RNF157: variants seen among roughly 807,000 people sequenced by gnomAD.
RNF157 encodes the protein ring finger protein 157, also known as E3 ubiquitin ligase RNF157.
A neutral mutation model predicts 88.3 loss-of-function variants in RNF157; 55 were observed. The observed-to-expected ratio is 0.62, with a 90% CI of 0.50 to 0.78. RNF157 has a LOEUF of 0.78. RNF157 is among the 30% of genes least tolerant of loss of function. The pLI is 0.00. For missense variants in RNF157, 788 were observed against 860.8 expected (o/e 0.92, Z 1.06); for synonymous variants, 334 against 341.2 (o/e 0.98, Z 0.23).
intron 18 of RNF157, among the ~76,000 whole-genome samples, chr17:76,148,551 G>A (rs974947712): frequency 2.0e-5 from 3 of 148,196 alleles, no homozygotes; most frequent in Non-Finnish European, 4.4e-5. Context: ...ACAGGCGGGA[G>A]CCACCGTGCC....
chr17:76,233,838 T>C (rs2070236014), intron 1 of RNF157, among the ~76,000 whole-genome samples: 1 of 152,218 alleles, frequency 6.6e-6, no homozygotes, highest in African/African-American at 2.4e-5. Flanking sequence ...CAGCCCCATT[T>C]TGAAAATAGC....
At chr17:76,224,816 A>G (rs1005760722) in intron 1 of RNF157, among the ~76,000 whole-genome samples, 3 of 152,196 alleles carry the variant, frequency 2.0e-5, no homozygotes, top group Admixed American at 6.5e-5. Context: ...CCTGGGCCAC[A>G]TGTAGCCCAG....
Position 76,162,632 on chromosome 17 carries a change from C to G in RNF157, c.721-9G>C. 1 of 1,607,232 alleles carries G rather than the reference C, an allele frequency of 6.2e-7. No individual in the cohort carries two copies. Among genetic ancestry groups the G allele is most frequent in the Non-Finnish European group, 8.5e-7 (1 of 1,176,106 alleles). On this transcript the variant is annotated splice_polypyrimidine_tract_variant and intron_variant, in intron 8 of 18. Transcript: ENST00000269391. ...TAGCTGACCCCGTCTACCTGAACAG[C>G]AAACAGAAAGGTTCAAGGACAGGCT... is the stretch of plus-strand genomic sequence containing the variant.
intron 1 of RNF157, among the ~76,000 whole-genome samples, chr17:76,215,540 T>TA (rs146194120): frequency 9.8e-4 from 122 of 125,098 alleles, no homozygotes; most frequent in Middle Eastern, 4.3e-3. Flanking sequence ...TATAGCAAAC[T>TA]AAAAAAAAAA....
chr17:76,149,452 G>A (rs1282733390), intron 18 of RNF157, among the ~76,000 whole-genome samples: 2 of 152,004 alleles, frequency 1.3e-5, no homozygotes, highest in East Asian at 1.9e-4. Flanking sequence ...GCAATGAGGC[G>A]CCAAGACGGC....
At chr17:76,175,821 A>G in intron 2 of RNF157, 3 of 979,304 alleles carry the variant, frequency 3.1e-6, no homozygotes, top group Non-Finnish European at 3.6e-6. Context: ...TCCCTGCCGC[A>G]AAAGAGAGAA....
intron 1 of RNF157, among the ~76,000 whole-genome samples, chr17:76,239,347 G>A (rs9901220): frequency 0.32 from 48,699 of 151,914 alleles, 8,041 homozygotes; most frequent in East Asian, 0.46. Context: ...CCACAATCCA[G>A]AGGCTAGAGA....
At chr17:76,234,496 A>G (rs1380049982) in intron 1 of RNF157, among the ~76,000 whole-genome samples, 1 of 152,104 alleles carries the variant, frequency 6.6e-6, no homozygotes, top group Non-Finnish European at 1.5e-5. Context: ...GCAGGGTATG[A>G]GGGTTTCGCT....
chr17:76,145,023 G>A lies in RNF157; in HGVS notation c.*212C>T, dbSNP rs1163754574. 1.9e-6 allele frequency: 1 copy of A among 521,560 alleles called. No homozygotes were observed. The highest frequency in any genetic ancestry group is 1.9e-5 in the African/African-American group (1 of 52,138). The allele number at this position is 521,560 out of a possible 1,614,324, so 32.3% of individuals were successfully genotyped here. ...AGAGTCCCTGCAAAAGGTCTCGTGA[G>A]CTGCAGTTCATTGAGTGGCTTTAGG... On this transcript the variant is annotated 3_prime_UTR_variant, in exon 19 of 19. Coordinates refer to ENST00000269391, the MANE Select transcript of RNF157 (RefSeq NM_052916.3).
chr17:76,164,568 G>T (rs1568031837), intron 8 of RNF157, 180 bp downstream of exon 8: 24 of 426,812 alleles, frequency 5.6e-5, no homozygotes, highest in East Asian at 1.5e-4. Context: ...GTAATAGCTT[G>T]TAACATTCAA....
chr17:76,165,668 G>A (rs1598397404), intron 6 of RNF157, 123 bp from the exon 7 acceptor site: 24 of 981,552 alleles, frequency 2.4e-5, no homozygotes, highest in East Asian at 2.3e-4. Context: ...GAAGGGGCAC[G>A]TTATATAACC....
At chr17:76,193,698 C>A (rs1325984666) in intron 2 of RNF157, among the ~76,000 whole-genome samples, 2 of 152,176 alleles carry the variant, frequency 1.3e-5, no homozygotes, top group Admixed American at 6.6e-5. Flanking sequence ...CCCTGACTGT[C>A]TAACAAACAA....
At chr17:76,217,576 T>A (rs1242524909) in intron 1 of RNF157, among the ~76,000 whole-genome samples, 3 of 152,094 alleles carry the variant, frequency 2.0e-5, no homozygotes, top group African/African-American at 7.2e-5. Context: ...CCAAACAAGA[T>A]GACTTTTAGA....
At chr17:76,175,808 C>T (rs1216100249) in intron 2 of RNF157, 4 of 984,464 alleles carry the variant, frequency 4.1e-6, no homozygotes, top group South Asian at 4.7e-5. Flanking sequence ...CCTCCATAGC[C>T]ACTCCCTGCC....
intron 2 of RNF157, among the ~76,000 whole-genome samples, chr17:76,208,649 G>C (rs990951987): frequency 1.3e-5 from 2 of 152,132 alleles, no homozygotes; most frequent in Non-Finnish European, 2.9e-5. Flanking sequence ...AAGTTACTCT[G>C]ATTTGCTTTC....
At chr17:76,194,973 C>T (rs1284049605) in intron 2 of RNF157, among the ~76,000 whole-genome samples, 1 of 152,054 alleles carries the variant, frequency 6.6e-6, no homozygotes, top group Non-Finnish European at 1.5e-5. Flanking sequence ...CGAGATAGCA[C>T]CACTGCACTC....
chr17:76,199,758 G>A (rs1453150989), intron 2 of RNF157, among the ~76,000 whole-genome samples: 1 of 151,950 alleles, frequency 6.6e-6, no homozygotes, highest in Non-Finnish European at 1.5e-5. Flanking sequence ...TCATGCTACT[G>A]GGACCCCGTC....
chr17:76,184,188 C>T (rs1026905587), intron 2 of RNF157, among the ~76,000 whole-genome samples: 2 of 113,214 alleles, frequency 1.8e-5, no homozygotes, highest in Non-Finnish European at 3.6e-5. Context: ...AAGACTCCAT[C>T]TAAAAAAAAA....
At chr17:76,210,392 C>T (rs576893444) in intron 2 of RNF157, among the ~76,000 whole-genome samples, 16 of 151,284 alleles carry the variant, frequency 1.1e-4, no homozygotes, top group Admixed American at 2.6e-4. Context: ...AGATCGAGAC[C>T]ATCCTGGCTA....
Sources: allele counts gnomAD v4.1 joint callset (sites outside exome capture counted in the v4.1 genomes callset), GRCh38; gene constraint gnomAD v4.1.1; transcripts MANE v1.5; gene names NCBI Gene and HGNC (gene_info 2026-07-23, HGNC 2026-07-21).